The following GPM6A variants were observed in gnomAD, a reference collection of about 807,000 sequenced individuals.
GPM6A encodes the protein neuronal membrane glycoprotein M6-a.
GPM6A carries 7 observed loss-of-function variants against 32.1 expected under a neutral mutation model. That is an observed-to-expected ratio of 0.22 (90% CI 0.12 to 0.41). The LOEUF is 0.41. GPM6A is among the 10% of genes least tolerant of loss of function. GPM6A has a pLI of 1.00. For missense variants in GPM6A, 235 were observed against 347.2 expected (o/e 0.68, Z 2.57); for synonymous variants, 130 against 123.4 (o/e 1.05, Z -0.35).
intron 1 of GPM6A, among the ~76,000 whole-genome samples, chr4:175,730,125 G>C (rs890253378): frequency 6.6e-6 from 1 of 152,036 alleles, no homozygotes; most frequent in East Asian, 1.9e-4. Context: ...CCTTTACTCT[G>C]CATGCCCTTC....
At chr4:176,002,196 C>T in intron 1 of GPM6A, 1 of 1,193,454 alleles carries the variant, frequency 8.4e-7, no homozygotes. Flanking sequence ...GCGGGGGGAA[C>T]AGAGCTGGGA....
chr4:175,651,847 G>C lies in GPM6A; in HGVS notation c.528C>G (p.Asp176Glu). The change falls in exon 4 of 7, where the codon GAC (aspartate) becomes GAG (glutamate). Residue 176 changes from aspartate to glutamate, a missense_variant. Asp to Glu is a conservative substitution (Grantham distance 45, BLOSUM62 2). Coordinates refer to ENST00000393658, the MANE Select transcript of GPM6A (RefSeq NM_201591.3). Reference sequence around the variant, plus strand: ...ATATCCACTTACCAAACTGACGAAGGTCCAAGCAGAGATTTGCTCCCTCCA... The same window carrying C: ...ATATCCACTTACCAAACTGACGAAGCTCCAAGCAGAGATTTGCTCCCTCCA... ...TLVEGANLCLDLRQFGIVTIG... is the reference protein window; with the variant it reads ...TLVEGANLCLELRQFGIVTIG... 6.2e-7 allele frequency: 1 copy of C among 1,612,696 alleles called. No individual in the cohort carries two copies. Among genetic ancestry groups the C allele is most frequent in the South Asian group, 1.1e-5 (1 of 90,950 alleles).
At chr4:175,876,119 C>T (rs1190898497) in intron 1 of GPM6A, among the ~76,000 whole-genome samples, 8 of 152,156 alleles carry the variant, frequency 5.3e-5, no homozygotes, top group Admixed American at 4.6e-4. Flanking sequence ...CAGCTCAAAC[C>T]TTCTAGAATC....
chr4:175,826,730 G>A (rs1735450797), intron 1 of GPM6A, among the ~76,000 whole-genome samples: 1 of 151,806 alleles, frequency 6.6e-6, no homozygotes, highest in Non-Finnish European at 1.5e-5. Flanking sequence ...AGCTTCCTGA[G>A]TTTTTTATTA....
intron 1 of GPM6A, among the ~76,000 whole-genome samples, chr4:175,737,938 CT>C (rs796345427): frequency 0.078 from 10,865 of 139,760 alleles, 327 homozygotes; most frequent in South Asian, 0.12. Context: ...CACTAGGTCC[CT>C]TTTTTTTTTT....
chr4:175,798,833 G>T (rs1007689807), intron 1 of GPM6A: 1 of 151,948 alleles, frequency 6.6e-6, no homozygotes, highest in African/African-American at 2.4e-5. Context: ...CTTAGAATAC[G>T]GTGGATTACT....
chr4:175,723,467 T>C (rs1746246266), intron 1 of GPM6A, among the ~76,000 whole-genome samples: 1 of 152,198 alleles, frequency 6.6e-6, no homozygotes, highest in Admixed American at 6.5e-5. Flanking sequence ...TTAGATGTAG[T>C]TGACTAATCA....
intron 1 of GPM6A, among the ~76,000 whole-genome samples, chr4:175,770,319 C>T (rs1373499008): frequency 6.6e-6 from 1 of 152,218 alleles, no homozygotes; most frequent in African/African-American, 2.4e-5. Flanking sequence ...AGCCACTGCG[C>T]CTGGCCGATG....
intron 3 of GPM6A, among the ~76,000 whole-genome samples, chr4:175,664,733 A>G (rs1742638664): frequency 6.6e-6 from 1 of 152,170 alleles, no homozygotes; most frequent in South Asian, 2.1e-4. Flanking sequence ...AGTTCGTTCT[A>G]TCCTCCCAAC....
intron 1 of GPM6A, among the ~76,000 whole-genome samples, chr4:175,787,089 G>A (rs1485240035): frequency 1.3e-5 from 2 of 151,038 alleles, no homozygotes; most frequent in South Asian, 4.2e-4. Flanking sequence ...TTCTCCCTCT[G>A]TTCTTTTTTT....
At chr4:175,876,583 C>T (rs80141704) in intron 1 of GPM6A, among the ~76,000 whole-genome samples, 4 of 151,994 alleles carry the variant, frequency 2.6e-5, no homozygotes, top group Non-Finnish European at 4.4e-5. Context: ...CAAATCTGTC[C>T]TGTGGGATGC....
At chr4:175,889,548 G>C (rs1036389873) in intron 1 of GPM6A, among the ~76,000 whole-genome samples, 1 of 149,074 alleles carries the variant, frequency 6.7e-6, no homozygotes, top group Non-Finnish European at 1.5e-5. Context: ...AGGCGCAGTG[G>C]CTCGCGCCTG....
chr4:175,696,355 C>G (rs1353767082), intron 2 of GPM6A, among the ~76,000 whole-genome samples: 1 of 152,140 alleles, frequency 6.6e-6, no homozygotes, highest in Non-Finnish European at 1.5e-5. Flanking sequence ...GGGAGTTTGA[C>G]TCCAAAATCT....
chr4:175,751,481 G>A (rs1732335151), intron 1 of GPM6A, among the ~76,000 whole-genome samples: 2 of 152,010 alleles, frequency 1.3e-5, no homozygotes, highest in South Asian at 4.2e-4. Context: ...ATATATTACT[G>A]TAATATTGAA....
chr4:175,727,613 G>A (rs560964646), intron 1 of GPM6A, among the ~76,000 whole-genome samples: 1 of 152,258 alleles, frequency 6.6e-6, no homozygotes, highest in East Asian at 1.9e-4. Flanking sequence ...GTGTCTCATA[G>A]TTAACTGATT....
At chr4:175,667,647 G>T (rs1398028336) in intron 3 of GPM6A, among the ~76,000 whole-genome samples, 1 of 152,012 alleles carries the variant, frequency 6.6e-6, no homozygotes, top group Non-Finnish European at 1.5e-5. Context: ...GGCAGACTAG[G>T]TTTGGTATAT....
Position 175,890,784 on chromosome 4 carries a change from G to A in GPM6A, c.-22-78535C>T, listed in dbSNP as rs1737624292. Among the ~76,000 whole-genome samples the A allele has an allele frequency of 1.3e-5, 2 of 151,974 alleles. 1 individual carries two copies. The highest frequency in any genetic ancestry group is 4.1e-4 in the South Asian group (2 of 4,826). On this transcript the variant is annotated intron_variant, in intron 1 of 7. Transcript: ENST00000280187. ...TTGCCCAGACTGGTCTCAAACCCCT[G>A]ACCTCAAGTGATCCTTCCACTTTGG...
intron 1 of GPM6A, among the ~76,000 whole-genome samples, chr4:175,927,573 G>A (rs562626080): frequency 1.2e-3 from 189 of 152,308 alleles, no homozygotes; most frequent in South Asian, 2.9e-3. Context: ...CTACTTAATA[G>A]AGTACTGGTT....
intron 1 of GPM6A, among the ~76,000 whole-genome samples, chr4:175,845,861 T>C (rs1024664242): frequency 3.9e-5 from 6 of 152,068 alleles, no homozygotes; most frequent in African/African-American, 1.4e-4. Context: ...TGACTGTCTC[T>C]CCATTATTTG....
Sources: allele counts gnomAD v4.1 joint callset (sites outside exome capture counted in the v4.1 genomes callset), GRCh38; gene constraint gnomAD v4.1.1; transcripts MANE v1.5; gene names NCBI Gene and HGNC (gene_info 2026-07-23, HGNC 2026-07-21).